The following MNDA variants were observed in gnomAD, a reference collection of about 807,000 sequenced individuals.
The protein encoded by MNDA is epididymis secretory sperm binding protein.
In MNDA, 43 loss-of-function variants were observed where a neutral mutation model predicts 37.8. The ratio of observed to expected loss-of-function variants is 1.14; its 90% CI spans 0.89 to 1.47. The LOEUF (loss-of-function observed/expected upper bound fraction) is 1.47, where lower values mean the gene tolerates loss of function less well. Among genes scored for constraint, MNDA ranks in the 40% most tolerant of loss-of-function variants. The pLI, the probability that MNDA is intolerant of heterozygous loss-of-function variation, is 0.00. For missense variants in MNDA, 536 were observed against 476.0 expected (o/e 1.13, Z -1.17); for synonymous variants, 181 against 169.0 (o/e 1.07, Z -0.55).
chr1:158,848,834 CAT>C (rs746637301), intron 6 of MNDA, among the ~76,000 whole-genome samples: 2 of 152,046 alleles, frequency 1.3e-5, no homozygotes, highest in Non-Finnish European at 2.9e-5. Context: ...GCTTGCTAAA[CAT>C]GTGGTAGTTT....
At chr1:158,848,924 T>C (rs1199410588) in intron 6 of MNDA, among the ~76,000 whole-genome samples, 1 of 151,938 alleles carries the variant, frequency 6.6e-6, no homozygotes, top group African/African-American at 2.4e-5. Context: ...AAAAAATGGG[T>C]AGTTGGTTAA....
In MNDA at chr1:158,842,360, C is replaced by T. The variant is rs1477502065; in HGVS notation, c.207C>T (p.Ala69=). Residue 69 remains alanine (A), a synonymous_variant, in exon 2 of 7, where the codon GCC becomes GCT. Coordinates refer to ENST00000368141, the MANE Select transcript of MNDA (RefSeq NM_002432.3). ...VACLDKLIEL[A]KDMPSLKNLV... ...GTCTAGACAAACTAATAGAACTTGCCAAAGATATGCCATCACTTAAAAACC... is the reference window on the plus strand; with the variant it reads ...GTCTAGACAAACTAATAGAACTTGCTAAAGATATGCCATCACTTAAAAACC... 8.7e-6 allele frequency: 14 copies of T among 1,613,844 alleles called. No homozygotes were observed. The highest frequency in any genetic ancestry group is 1.2e-5 in the Non-Finnish European group (14 of 1,179,946).
At position 158,843,382 on chromosome 1, in the gene MNDA, A is replaced by T. The variant is rs1480222498; in HGVS notation, c.369A>T (p.Thr123=). The change falls in exon 3 of 7, where the codon ACA becomes ACT. Residue 123 remains threonine (T), a synonymous_variant. Transcript: ENST00000368141. ...APAPTARNKL[T]SEARGRIPVA... ...CACCCACCGCAAGAAACAAACTGAC[A>T]TCGGAAGCAAGAGGGAGGATTCCTG... The T allele has an allele frequency of 1.2e-6, 2 of 1,611,852 alleles. No individual in the cohort carries two copies. The highest frequency in any genetic ancestry group is 8.5e-7 in the Non-Finnish European group (1 of 1,178,966).
chr1:158,843,355 T>TGCACCCACC lies in MNDA; in HGVS notation c.346_354dup (p.Pro116_Ala118dup). ...AGGAAGAAGTGGGTCTTGCGGCACC[T>TGCACCCACC]GCACCCACCGCAAGAAACAAACTGA... On this transcript the variant is annotated inframe_insertion, in exon 3 of 7. Coordinates refer to ENST00000368141, the MANE Select transcript of MNDA (RefSeq NM_002432.3). 6.2e-7 allele frequency: 1 copy of TGCACCCACC among 1,612,850 alleles called. No homozygotes were observed. The highest frequency in any genetic ancestry group is 8.5e-7 in the Non-Finnish European group (1 of 1,179,472).
chr1:158,834,251 G>A (rs79657484), intron 1 of MNDA, among the ~76,000 whole-genome samples: 2 of 35,832 alleles, frequency 5.6e-5, no homozygotes. Context: ...TTTTTTTTTT[G>A]AGACGGAGTT....
At chr1:158,842,637 A>G in intron 2 of MNDA, 1 of 385,574 alleles carries the variant, frequency 2.6e-6, no homozygotes, top group Non-Finnish European at 4.7e-6. Context: ...TGAGGTAAGG[A>G]TAAAAAACCA....
chr1:158,847,132 T>C (rs1386859169), intron 5 of MNDA, among the ~76,000 whole-genome samples: 4 of 152,046 alleles, frequency 2.6e-5, no homozygotes, highest in Non-Finnish European at 5.9e-5. Flanking sequence ...TACAGAGTGA[T>C]CTAATAAACT....
At position 158,845,588 on chromosome 1, in the gene MNDA, A is replaced by T. The variant is rs1373560853; in HGVS notation, c.572A>T (p.Asn191Ile). ...TTTTCTTGTGTCTGCCCAACACAGA[A>T]TCAGGAAACCCAGGCCCAACGGCAG... Reference protein sequence around the residue: ...STPSNTSFTPNQETQAQRQVD... With the variant: ...STPSNTSFTPIQETQAQRQVD... Residue 191 changes from asparagine to isoleucine, a missense_variant and splice_region_variant, in exon 5 of 7, where the codon AAT (asparagine) becomes ATT (isoleucine). Asn to Ile is a moderately radical substitution (Grantham distance 149). Coordinates refer to ENST00000368141, the MANE Select transcript of MNDA (RefSeq NM_002432.3). The T allele has an allele frequency of 6.2e-7, 1 of 1,608,264 alleles. No homozygotes were observed. The highest frequency in any genetic ancestry group is 8.5e-7 in the Non-Finnish European group (1 of 1,177,458).
At chr1:158,833,002 T>C (rs1362945523) in intron 1 of MNDA, among the ~76,000 whole-genome samples, 1 of 152,130 alleles carries the variant, frequency 6.6e-6, no homozygotes, top group Non-Finnish European at 1.5e-5. Context: ...TTCTTATTTT[T>C]AAAAAATCTA....
Position 158,839,302 on chromosome 1 carries a change from T to C in MNDA, c.-20-2832T>C, listed in dbSNP as rs12058031. On this transcript the variant is annotated intron_variant, in intron 1 of 6. Coordinates refer to ENST00000368141, the MANE Select transcript of MNDA (RefSeq NM_002432.3). ...TGGACGTGTGTCTTGCCTGGGCTTA[T>C]GTGTGTGCATTTTTTGTAATTCTCT... Among the ~76,000 whole-genome samples the C allele has an allele frequency of 5.2e-3, 795 of 152,310 alleles. 5 individuals are homozygous for C. Among genetic ancestry groups the C allele is most frequent in the African/African-American group, 0.017 (714 of 41,546 alleles).
Position 158,849,395 on chromosome 1 carries a change from G to T in MNDA, c.*158G>T, listed in dbSNP as rs1194372534. ...TTATAACTGAGTTATAGATTAGTTT[G>T]CTTTCTGGAATAAAATTTTCTTCTT... On this transcript the variant is annotated 3_prime_UTR_variant, in exon 7 of 7. Transcript: ENST00000368141. 3 of 526,792 alleles carry T rather than the reference G, an allele frequency of 5.7e-6. No homozygotes were observed. The highest frequency in any genetic ancestry group is 4.8e-5 in the South Asian group (1 of 20,946). The allele number at this position is 526,792 out of a possible 1,614,324, so 32.6% of individuals were successfully genotyped here.
At chr1:158,835,039 G>A (rs1440399175) in intron 1 of MNDA, among the ~76,000 whole-genome samples, 1 of 152,086 alleles carries the variant, frequency 6.6e-6, no homozygotes, top group Non-Finnish European at 1.5e-5. Flanking sequence ...AGTTTTGAAA[G>A]CAGGAAGTCT....
At position 158,842,363 on chromosome 1, in the gene MNDA, A is replaced by G; in HGVS notation, c.210A>G (p.Lys70=). 1 of 1,613,776 alleles carries G rather than the reference A, an allele frequency of 6.2e-7. No homozygotes were observed. Residue 70 remains lysine, a synonymous_variant, in exon 2 of 7, where the codon AAA becomes AAG. Coordinates refer to ENST00000368141, the MANE Select transcript of MNDA (RefSeq NM_002432.3). The part of the protein sequence containing the change: ...ACLDKLIELA[K]DMPSLKNLVN... The stretch of plus-strand genomic sequence containing the variant: ...TAGACAAACTAATAGAACTTGCCAA[A>G]GATATGCCATCACTTAAAAACCTTG...
intron 1 of MNDA, among the ~76,000 whole-genome samples, chr1:158,841,232 A>G (rs1239705398): frequency 2.0e-5 from 3 of 152,210 alleles, no homozygotes; most frequent in African/African-American, 7.2e-5. Context: ...ATAAGGTATA[A>G]GAAATTCAAA....
chr1:158,834,231 A>ATTTT (rs58502272), intron 1 of MNDA, among the ~76,000 whole-genome samples: 17 of 130,250 alleles, frequency 1.3e-4, no homozygotes, highest in African/African-American at 3.0e-4. Flanking sequence ...TCCTTTATCA[A>ATTTT]TTTTTTTTTT....
intron 1 of MNDA, among the ~76,000 whole-genome samples, chr1:158,832,457 G>A (rs1218196253): frequency 6.6e-6 from 1 of 151,612 alleles, no homozygotes; most frequent in Admixed American, 6.5e-5. Context: ...TAGTGATTTT[G>A]TTAATTTCTC....
chr1:158,844,633 T>C (rs1451503740), intron 4 of MNDA, among the ~76,000 whole-genome samples: 1 of 151,546 alleles, frequency 6.6e-6, no homozygotes, highest in Non-Finnish European at 1.5e-5. Flanking sequence ...TACCTGAGAC[T>C]ACTTACATGC....
At chr1:158,837,659 A>G (rs1216012445) in intron 1 of MNDA, among the ~76,000 whole-genome samples, 1 of 151,788 alleles carries the variant, frequency 6.6e-6, no homozygotes, top group Non-Finnish European at 1.5e-5. Context: ...ATTGTGATAT[A>G]TATGTATATA....
At chr1:158,833,611 T>G (rs1246647064) in intron 1 of MNDA, among the ~76,000 whole-genome samples, 1 of 152,226 alleles carries the variant, frequency 6.6e-6, no homozygotes, top group Admixed American at 6.5e-5. Context: ...GCTTTTTTCA[T>G]TTCATGTTCT....
Sources: allele counts gnomAD v4.1 joint callset (sites outside exome capture counted in the v4.1 genomes callset), GRCh38; gene constraint gnomAD v4.1.1; transcripts MANE v1.5; gene names NCBI Gene and HGNC (gene_info 2026-07-23, HGNC 2026-07-21).